The following RPN2 variants were observed in gnomAD, a reference collection of about 807,000 sequenced individuals.
The protein encoded by RPN2 is ribophorin II.
A neutral mutation model predicts 71.4 loss-of-function variants in RPN2; 29 were observed. That is an observed-to-expected ratio of 0.41 (90% confidence interval 0.30 to 0.55). The LOEUF (loss-of-function observed/expected upper bound fraction) is 0.55. Among genes scored for constraint, RPN2 ranks in the 20% least tolerant of loss-of-function variants. The pLI is 0.35. For synonymous variants in RPN2, 308 were observed against 305.0 expected (o/e 1.01, Z -0.10); for missense variants, 726 against 774.1 (o/e 0.94, Z 0.74).
intron 2 of RPN2, among the ~76,000 whole-genome samples, chr20:37,191,340 G>A (rs1441873779): frequency 6.6e-6 from 1 of 152,144 alleles, no homozygotes; most frequent in Non-Finnish European, 1.5e-5. Context: ...AGCTGGGCGT[G>A]GTGGGCATGC....
intron 16 of RPN2, chr20:37,238,458 GA>G: frequency 6.3e-7 from 1 of 1,596,912 alleles, no homozygotes; most frequent in Non-Finnish European, 8.6e-7. Context: ...CGGTAAAGAT[GA>G]AGGGCGGACT....
At position 37,213,790 on chromosome 20, in the gene RPN2, C is replaced by G; in HGVS notation, c.1017C>G (p.Val339=). 4 of 1,614,024 alleles carry G rather than the reference C, an allele frequency of 2.5e-6. No homozygotes were observed. Among genetic ancestry groups the G allele is most frequent in the Non-Finnish European group, 3.4e-6 (4 of 1,179,948 alleles). ...GDVFELNFMN[V]KFSSGYYDFL... ...TTTTTGAACTAAATTTCATGAACGTCAAATTTTCCAGTGGTTATTATGACT... is the reference window on the plus strand; with the variant it reads ...TTTTTGAACTAAATTTCATGAACGTGAAATTTTCCAGTGGTTATTATGACT... Residue 339 remains valine, a synonymous_variant, in exon 9 of 17, where the codon GTC becomes GTG. Transcript: ENST00000237530.
rs184288599 is a variant in RPN2 at position 37,204,734 on chromosome 20, G to A, written c.556-33G>A. ...GTGCATCTCATTTCTGCTGTTACTT[G>A]ACATCCAGCATATTTCTGTTTTGTT... On this transcript the variant is annotated intron_variant, in intron 5 of 16. Coordinates refer to ENST00000237530, the MANE Select transcript of RPN2 (RefSeq NM_002951.5). 4.1e-5 allele frequency: 66 copies of A among 1,613,398 alleles called. No individual in the cohort carries two copies. In the African/African-American group the frequency reaches 8.4e-4, roughly 21 times the overall value.
At chr20:37,224,224 G>C (rs2068025402) in intron 10 of RPN2, among the ~76,000 whole-genome samples, 1 of 152,228 alleles carries the variant, frequency 6.6e-6, no homozygotes, top group South Asian at 2.1e-4. Context: ...ACGAGGTAAA[G>C]CGCTTACCTC....
At chr20:37,180,288 G>T (rs1338234133) in intron 1 of RPN2, among the ~76,000 whole-genome samples, 7 of 152,204 alleles carry the variant, frequency 4.6e-5, no homozygotes, top group African/African-American at 1.7e-4. Context: ...GATTCAAATT[G>T]CCTGAAGTTT....
chr20:37,199,129 C>T lies in RPN2; in HGVS notation c.383C>T (p.Ala128Val). The T allele has an allele frequency of 1.2e-6, 2 of 1,613,972 alleles. No homozygotes were observed. Among genetic ancestry groups the T allele is most frequent in the Non-Finnish European group, 1.7e-6 (2 of 1,179,810 alleles). ...EDSSVTQIYH[A>V]VAALSGFGLP... ...TCATCTGTTACCCAGATCTACCATGCAGTTGCAGCTCTAAGTGGCTTTGGC... is the reference window on the plus strand; with the variant it reads ...TCATCTGTTACCCAGATCTACCATGTAGTTGCAGCTCTAAGTGGCTTTGGC... Residue 128 changes from alanine (A) to valine (V), a missense_variant, in exon 4 of 17, where the codon GCA becomes GTA. Ala to Val is a moderately conservative substitution (Grantham distance 64). Coordinates refer to ENST00000237530, the MANE Select transcript of RPN2 (RefSeq NM_002951.5).
chr20:37,222,313 T>G (rs982616240), intron 9 of RPN2, among the ~76,000 whole-genome samples: 6 of 152,140 alleles, frequency 3.9e-5, no homozygotes, highest in South Asian at 4.1e-4. Context: ...ATCCTAAATA[T>G]AGTTCTGCTA....
At chr20:37,199,367 C>T in intron 4 of RPN2, 142 bp downstream of exon 4, 1 of 1,054,382 alleles carries the variant, frequency 9.5e-7, no homozygotes, top group Non-Finnish European at 1.4e-6. Context: ...CTGCAAGGCA[C>T]CGCAGACATG....
rs1456954001 is a variant in RPN2 at position 37,225,808 on chromosome 20, G to C, written c.1299+6G>C. 1.3e-6 allele frequency: 2 copies of C among 1,577,834 alleles called. No individual in the cohort carries two copies. The highest frequency in any genetic ancestry group is 1.7e-6 in the Non-Finnish European group (2 of 1,147,032). On this transcript the variant is annotated splice_donor_region_variant and intron_variant, in intron 11 of 16. Coordinates refer to ENST00000237530, the MANE Select transcript of RPN2 (RefSeq NM_002951.5). ...CTGAACTCACTCCTCACCAGGTCAG[G>C]AAGACACCTAGACAGTTCTCTTAAC...
At chr20:37,213,065 G>A (rs1299475078) in intron 8 of RPN2, among the ~76,000 whole-genome samples, 1 of 152,034 alleles carries the variant, frequency 6.6e-6, no homozygotes, top group Non-Finnish European at 1.5e-5. Context: ...ACACGGAAAG[G>A]TAGAAATCAT....
chr20:37,235,870 G>A (rs1377850267), intron 15 of RPN2, among the ~76,000 whole-genome samples: 6 of 151,994 alleles, frequency 3.9e-5, no homozygotes, highest in South Asian at 2.1e-4. Flanking sequence ...GGGTGGTCTC[G>A]AATGCCTGAC....
intron 2 of RPN2, among the ~76,000 whole-genome samples, chr20:37,184,716 C>T (rs1271591516): frequency 6.6e-6 from 1 of 152,148 alleles, no homozygotes; most frequent in Non-Finnish European, 1.5e-5. Flanking sequence ...CGTGTGAACC[C>T]AGGAGGCAGA....
intron 15 of RPN2, among the ~76,000 whole-genome samples, chr20:37,234,910 C>T (rs997816085): frequency 6.6e-6 from 1 of 152,112 alleles, no homozygotes; most frequent in African/African-American, 2.4e-5. Context: ...AACTCCTAGG[C>T]TCAAGCAGTC....
At chr20:37,219,248 G>A (rs2067895258) in intron 9 of RPN2, among the ~76,000 whole-genome samples, 1 of 152,056 alleles carries the variant, frequency 6.6e-6, no homozygotes, top group South Asian at 2.1e-4. Context: ...TTATGGTTTT[G>A]ATTTCCATTT....
In RPN2 at chr20:37,225,814, A is replaced by G. The variant is rs201444880; in HGVS notation, c.1299+12A>G. The stretch of plus-strand genomic sequence containing the variant: ...TCACTCCTCACCAGGTCAGGAAGAC[A>G]CCTAGACAGTTCTCTTAACCTGAAA... On this transcript the variant is annotated intron_variant, in intron 11 of 16. Transcript: ENST00000237530. The G allele has an allele frequency of 1.3e-6, 2 of 1,545,368 alleles. No homozygotes were observed.
At chr20:37,184,460 ACT>A in intron 2 of RPN2, 87 bp downstream of exon 2, 1 of 1,161,432 alleles carries the variant, frequency 8.6e-7, no homozygotes, top group Non-Finnish European at 1.3e-6. Context: ...TTCAAAACTA[ACT>A]CTTGCTCATT....
intron 1 of RPN2, among the ~76,000 whole-genome samples, chr20:37,180,969 G>T (rs917339227): frequency 6.6e-6 from 1 of 152,076 alleles, no homozygotes; most frequent in Non-Finnish European, 1.5e-5. Flanking sequence ...GGTAGCTCAC[G>T]CCTGTAATCC....
At chr20:37,193,788 A>C (rs1482076599) in intron 2 of RPN2, among the ~76,000 whole-genome samples, 2 of 152,160 alleles carry the variant, frequency 1.3e-5, no homozygotes, top group Non-Finnish European at 1.5e-5. Flanking sequence ...TGAGCTTGAA[A>C]TACCTTTGAG....
chr20:37,183,342 A>G (rs1012873210), intron 1 of RPN2, among the ~76,000 whole-genome samples: 1 of 152,048 alleles, frequency 6.6e-6, no homozygotes, highest in African/African-American at 2.4e-5. Context: ...CAGCCTCCCA[A>G]GTAGCTGGGA....
Sources: gnomAD v4.1 joint callset for allele counts (sites outside exome capture counted in the v4.1 genomes callset) on GRCh38, gnomAD v4.1.1 for gene constraint, MANE v1.5 for transcripts, NCBI Gene and HGNC (gene_info 2026-07-23, HGNC 2026-07-21) for gene names.